The following KCNH5 variants were observed in gnomAD, a reference collection of about 807,000 sequenced individuals.
The protein encoded by KCNH5 is voltage-gated delayed rectifier potassium channel KCNH5.
A neutral mutation model predicts 96.1 loss-of-function variants in KCNH5; 46 were observed. That is an observed-to-expected ratio of 0.48 (90% CI 0.38 to 0.61). KCNH5 has a LOEUF of 0.61. Ranked by LOEUF, KCNH5 falls within the 20% of genes least tolerant of loss-of-function variation. The pLI is 0.00. For synonymous variants in KCNH5, 439 were observed against 449.8 expected, an observed-to-expected ratio of 0.98 and a Z score of 0.30; for missense variants, 907 against 1,225.8, an observed-to-expected ratio of 0.74 and a Z score of 3.88.
intron 8 of KCNH5, among the ~76,000 whole-genome samples, chr14:62,819,963 C>T (rs970505930): frequency 6.6e-6 from 1 of 152,294 alleles, no homozygotes; most frequent in East Asian, 1.9e-4. Flanking sequence ...ATAAGTACTT[C>T]GTTTCATTTA....
chr14:62,807,242 A>C (rs1886786118), intron 8 of KCNH5, among the ~76,000 whole-genome samples: 1 of 152,270 alleles, frequency 6.6e-6, no homozygotes, highest in South Asian at 2.1e-4. Context: ...ACATGAACCT[A>C]AACACAGTAA....
chr14:63,004,049 A>G (rs1891080955), intron 3 of KCNH5, among the ~76,000 whole-genome samples: 1 of 152,158 alleles, frequency 6.6e-6, no homozygotes, highest in South Asian at 2.1e-4. Flanking sequence ...TGCATATTCA[A>G]TCAGATGCCG....
Position 62,708,042 on chromosome 14 carries a change from C to G in KCNH5, c.2433G>C (p.Trp811Cys), listed in dbSNP as rs775067059. 3.7e-6 allele frequency: 6 copies of G among 1,614,190 alleles called. No individual in the cohort carries two copies. The highest frequency in any genetic ancestry group is 5.1e-6 in the Non-Finnish European group (6 of 1,180,044). ...IRMKNGNGKG[W>C]LRLKNNMGAH... ...CTCCCATATTATTCTTGAGTCGCAG[C>G]CACCCTTTTCCATTTCCATTCTTCA... The change falls in exon 11 of 11, where the codon TGG becomes TGC. Residue 811 changes from tryptophan to cysteine, a missense_variant. Coordinates refer to ENST00000322893, the MANE Select transcript of KCNH5 (RefSeq NM_139318.5).
At chr14:62,827,832 T>C (rs191784982) in intron 8 of KCNH5, among the ~76,000 whole-genome samples, 191 of 152,302 alleles carry the variant, frequency 1.3e-3, no homozygotes, top group Admixed American at 3.1e-3. Flanking sequence ...TCCTGAATTA[T>C]AGTTTAGAAG....
intron 5 of KCNH5, among the ~76,000 whole-genome samples, chr14:62,985,773 T>C (rs1164500134): frequency 2.0e-5 from 3 of 152,076 alleles, no homozygotes; most frequent in African/African-American, 7.2e-5. Flanking sequence ...AACTCAAATA[T>C]CCTTCCAGAG....
rs1463590547 is a variant in KCNH5, at chr14:62,990,454, AT to A, written c.434-3268del. ...ATATTTCATCTCTTTTCTTTACCTT[AT>A]TTTACTTTCTTGAAGAAAAAAAATC... On this transcript the variant is annotated intron_variant, in intron 4 of 10. Coordinates refer to ENST00000322893, the MANE Select transcript of KCNH5 (RefSeq NM_139318.5). Among the ~76,000 whole-genome samples, 8 of 151,934 alleles carry A rather than the reference AT, an allele frequency of 5.3e-5. No homozygotes were observed. The East Asian group carries it at 1.5e-3, about 29-fold the overall frequency.
chr14:62,816,583 A>T (rs1039281251), intron 8 of KCNH5, among the ~76,000 whole-genome samples: 2 of 152,036 alleles, frequency 1.3e-5, no homozygotes, highest in African/African-American at 4.8e-5. Context: ...TGCCTCAGGA[A>T]TTTAGTCCTC....
chr14:63,028,527 A>G (rs985938547), intron 1 of KCNH5, among the ~76,000 whole-genome samples: 2 of 152,168 alleles, frequency 1.3e-5, no homozygotes, highest in Non-Finnish European at 2.9e-5. Flanking sequence ...TGGCAACTAG[A>G]ACACATGTTC....
chr14:62,937,996 G>A (rs1337417679), intron 7 of KCNH5, among the ~76,000 whole-genome samples: 1 of 152,122 alleles, frequency 6.6e-6, no homozygotes, highest in Non-Finnish European at 1.5e-5. Context: ...AAGTTCCCGA[G>A]GTCTACTATT....
At chr14:62,947,097 T>C (rs550908797) in intron 7 of KCNH5, among the ~76,000 whole-genome samples, 1 of 152,194 alleles carries the variant, frequency 6.6e-6, no homozygotes, top group Admixed American at 6.6e-5. Context: ...ATATAAGATG[T>C]AATTATTGGA....
chr14:62,787,858 G>GA lies in KCNH5; in HGVS notation c.1823-7935dup, dbSNP rs537075167. ...GCCTACTGTTGAGACCAACTGCTCA[G>GA]AAAAAAAGATTCATTTGAAAATATG... On this transcript the variant is annotated intron_variant, in intron 9 of 10. Coordinates refer to ENST00000322893, the MANE Select transcript of KCNH5 (RefSeq NM_139318.5). Among the ~76,000 whole-genome samples the GA allele has an allele frequency of 5.8e-4, 89 of 152,248 alleles. 3 individuals are homozygous for GA. In the South Asian group the frequency reaches 0.017, roughly 29 times the overall value.
At chr14:62,836,801 T>C (rs927963706) in intron 8 of KCNH5, among the ~76,000 whole-genome samples, 1 of 152,122 alleles carries the variant, frequency 6.6e-6, no homozygotes, top group Non-Finnish European at 1.5e-5. Context: ...GCAAGGACCA[T>C]GCCTATCTTG....
intron 7 of KCNH5, among the ~76,000 whole-genome samples, chr14:62,907,752 C>T (rs752765881): frequency 2.6e-5 from 4 of 152,268 alleles, no homozygotes; most frequent in Middle Eastern, 3.4e-3. Flanking sequence ...AACAGGAAGC[C>T]GTTCTCAAGC....
At chr14:62,727,766 A>G (rs1884962044) in intron 10 of KCNH5, among the ~76,000 whole-genome samples, 1 of 149,200 alleles carries the variant, frequency 6.7e-6, no homozygotes, top group Non-Finnish European at 1.5e-5. Context: ...GACACTGCTT[A>G]CAGTCTGGTA....
At chr14:62,826,612 A>T (rs1887233026) in intron 8 of KCNH5, among the ~76,000 whole-genome samples, 1 of 151,966 alleles carries the variant, frequency 6.6e-6, no homozygotes, top group Non-Finnish European at 1.5e-5. Flanking sequence ...TTTTTACTTT[A>T]AAAGATGTAT....
chr14:62,722,439 T>C lies in KCNH5; in HGVS notation c.2020-13984A>G, dbSNP rs530398289. ...GGGAGATTTAAAAATCTTCCCCAAGTCTACACAGTGAAGAGTGACAAAGCA... is the reference window on the plus strand; with the variant it reads ...GGGAGATTTAAAAATCTTCCCCAAGCCTACACAGTGAAGAGTGACAAAGCA... On this transcript the variant is annotated intron_variant, in intron 10 of 10. Coordinates refer to ENST00000322893, the MANE Select transcript of KCNH5 (RefSeq NM_139318.5). 2.3e-3 allele frequency among the ~76,000 whole-genome samples: 350 copies of C among 152,174 alleles called. 2 individuals are homozygous for C. The highest frequency in any genetic ancestry group is 3.8e-3 in the Non-Finnish European group (257 of 67,992).
At chr14:63,036,865 T>C (rs183820357) in intron 1 of KCNH5, among the ~76,000 whole-genome samples, 9 of 152,126 alleles carry the variant, frequency 5.9e-5, no homozygotes, top group Admixed American at 3.9e-4. Flanking sequence ...GGTAGGGGAA[T>C]ATAGTTTCAA....
In KCNH5 at chr14:63,006,483, A is replaced by G. The variant is rs752211384; in HGVS notation, c.198-11T>C. ...TCCCCATACATAAAACTGGGGGGGA[A>G]AAAAAACAAACAATCGATTTCACTT... On this transcript the variant is annotated splice_polypyrimidine_tract_variant and intron_variant, in intron 2 of 10. Transcript: ENST00000322893. 1.0e-5 allele frequency: 15 copies of G among 1,465,704 alleles called. 1 individual carries two copies. Among genetic ancestry groups the G allele is most frequent in the Middle Eastern group, 1.7e-4 (1 of 5,792 alleles). 90.8% of individuals were successfully genotyped at this position (1,465,704 alleles called of 1,614,324 possible). A position where few individuals can be genotyped will look rare whatever the true frequency, so the allele number is the denominator to read the frequency against.
chr14:62,771,154 G>T (rs1885977513), intron 10 of KCNH5, among the ~76,000 whole-genome samples: 3 of 152,142 alleles, frequency 2.0e-5, no homozygotes, highest in Non-Finnish European at 4.4e-5. Flanking sequence ...ACTGCACCTT[G>T]ATTTTGGACT....
Sources: allele counts gnomAD v4.1 joint callset (sites outside exome capture counted in the v4.1 genomes callset), GRCh38; gene constraint gnomAD v4.1.1; transcripts MANE v1.5; gene names NCBI Gene and HGNC (gene_info 2026-07-23, HGNC 2026-07-21).